Variants in BCKDHB observed in about 807,000 individuals in gnomAD.
BCKDHB encodes branched chain keto acid dehydrogenase E1 subunit beta, also known as 2-oxoisovalerate dehydrogenase subunit beta, mitochondrial.
A neutral mutation model predicts 48.5 loss-of-function variants in BCKDHB; 41 were observed. That is an observed-to-expected ratio of 0.85 (90% CI 0.66 to 1.10). The LOEUF (loss-of-function observed/expected upper bound fraction) is 1.10. Ranked by LOEUF, BCKDHB falls within the 50% of genes least tolerant of loss-of-function variation. BCKDHB has a pLI of 0.00. For missense variants in BCKDHB, 496 were observed against 494.2 expected (o/e 1.00, Z -0.03); for synonymous variants, 201 against 174.8 (o/e 1.15, Z -1.18).
At chr6:80,299,685 C>T (rs1167298819) in intron 9 of BCKDHB, among the ~76,000 whole-genome samples, 1 of 152,146 alleles carries the variant, frequency 6.6e-6, no homozygotes, top group Non-Finnish European at 1.5e-5. Flanking sequence ...TTCATCTAGA[C>T]CAGTCTTAAA....
chr6:80,296,942 T>C (rs2127988899), intron 9 of BCKDHB, among the ~76,000 whole-genome samples: 1 of 152,360 alleles, frequency 6.6e-6, no homozygotes, highest in Non-Finnish European at 1.5e-5. Flanking sequence ...TCACTTTCTT[T>C]ACACAGCTTG....
At chr6:80,438,382 T>A in the BCKDHB span, among the ~76,000 whole-genome samples, 5 of 152,240 alleles carry the variant, frequency 3.3e-5, no homozygotes, top group Non-Finnish European at 7.3e-5. Context: ...TTGTTTCTAT[T>A]TTTTCTATTA....
intron 3 of BCKDHB, among the ~76,000 whole-genome samples, chr6:80,155,425 G>A (rs1771992020): frequency 6.6e-6 from 1 of 152,090 alleles, no homozygotes; most frequent in Admixed American, 6.5e-5. Flanking sequence ...AGAAAGAAAG[G>A]GAAGCAATTG....
intron 8 of BCKDHB, among the ~76,000 whole-genome samples, chr6:80,253,906 A>G (rs1373796545): frequency 1.3e-5 from 2 of 151,918 alleles, no homozygotes; most frequent in African/African-American, 4.8e-5. Context: ...AGTTATTATT[A>G]AAATAGAAAT....
chr6:80,364,428 A>G, the BCKDHB span, among the ~76,000 whole-genome samples: 1 of 152,174 alleles, frequency 6.6e-6, no homozygotes. Flanking sequence ...ATCCAGGTCT[A>G]TTTGTGTCTT....
At chr6:80,370,071 T>G in the BCKDHB span, among the ~76,000 whole-genome samples, 13 of 152,300 alleles carry the variant, frequency 8.5e-5, no homozygotes, top group East Asian at 2.3e-3. Context: ...GAATTTTTGA[T>G]GCACACATCA....
the BCKDHB span, among the ~76,000 whole-genome samples, chr6:80,449,624 C>T: frequency 1.8e-4 from 27 of 152,282 alleles, no homozygotes; most frequent in African/African-American, 5.8e-4. Flanking sequence ...TCTTTTCTGA[C>T]AAAAACCCTT....
chr6:80,298,361 G>A (rs61475052), intron 9 of BCKDHB, among the ~76,000 whole-genome samples: 2,728 of 152,010 alleles, frequency 0.018, 73 homozygotes, highest in African/African-American at 0.062. Context: ...CACTTGCCTC[G>A]GCCTCCCAAA....
intron 8 of BCKDHB, among the ~76,000 whole-genome samples, chr6:80,238,907 A>G (rs889209753): frequency 2.6e-5 from 4 of 152,136 alleles, no homozygotes; most frequent in Non-Finnish European, 5.9e-5. Flanking sequence ...AGCTTCATCC[A>G]TGGCCCTGCA....
At chr6:80,211,499 A>G (rs1397971723) in intron 8 of BCKDHB, among the ~76,000 whole-genome samples, 1 of 152,114 alleles carries the variant, frequency 6.6e-6, no homozygotes, top group African/African-American at 2.4e-5. Context: ...TCCTTGCCAT[A>G]GGCAGAGTTG....
intron 8 of BCKDHB, among the ~76,000 whole-genome samples, chr6:80,235,610 A>G (rs1226499587): frequency 6.6e-6 from 1 of 152,156 alleles, no homozygotes; most frequent in Non-Finnish European, 1.5e-5. Context: ...TTTGAGGTAC[A>G]TTTCTTCTCA....
intron 1 of BCKDHB, among the ~76,000 whole-genome samples, chr6:80,118,523 T>TA (rs899385167): frequency 7.8e-4 from 112 of 143,652 alleles, no homozygotes; most frequent in Middle Eastern, 3.6e-3. Flanking sequence ...GCAACTTCAT[T>TA]AAAAAAAAAA....
chr6:80,389,797 G>A, the BCKDHB span, among the ~76,000 whole-genome samples: 3,808 of 152,266 alleles, frequency 0.025, 173 homozygotes, highest in African/African-American at 0.086. Context: ...CCAGAAGGTC[G>A]TGTATGCTCT....
intron 3 of BCKDHB, among the ~76,000 whole-genome samples, chr6:80,132,721 T>C (rs973699456): frequency 2.0e-5 from 3 of 152,214 alleles, no homozygotes; most frequent in Admixed American, 6.5e-5. Context: ...AGTTACACTT[T>C]ATTAATTTCA....
At chr6:80,400,551 A>G in the BCKDHB span, among the ~76,000 whole-genome samples, 1 of 152,136 alleles carries the variant, frequency 6.6e-6, no homozygotes, top group African/African-American at 2.4e-5. Context: ...AATGGCTATT[A>G]GTAAAAAGTC....
Position 80,106,844 on chromosome 6 carries a change from G to A in BCKDHB, c.151G>A (p.Val51Met). 6.2e-7 allele frequency: 1 copy of A among 1,610,456 alleles called. No individual in the cohort carries two copies. Among genetic ancestry groups the A allele is most frequent in the East Asian group, 2.2e-5 (1 of 44,776 alleles). ...CGAGGATGCGGCCCAGAGGCGGCAGGTGGCTCATTTTACTTTCCAGCCAGA... is the reference window on the plus strand; with the variant it reads ...CGAGGATGCGGCCCAGAGGCGGCAGATGGCTCATTTTACTTTCCAGCCAGA... Reference protein sequence around the residue: ...TVEDAAQRRQVAHFTFQPDPE... With the variant: ...TVEDAAQRRQMAHFTFQPDPE... Residue 51 changes from valine (V) to methionine (M), a missense_variant, in exon 1 of 10, where the codon GTG becomes ATG. Transcript: ENST00000320393.
intron 9 of BCKDHB, among the ~76,000 whole-genome samples, chr6:80,305,977 G>A (rs1269814039): frequency 6.6e-6 from 1 of 152,170 alleles, no homozygotes; most frequent in Non-Finnish European, 1.5e-5. Context: ...TATTTGCTGG[G>A]TGGTTAATCT....
chr6:80,221,248 TTGTTTA>T (rs1314141549), intron 8 of BCKDHB, among the ~76,000 whole-genome samples: 2 of 152,182 alleles, frequency 1.3e-5, no homozygotes, highest in African/African-American at 4.8e-5. Context: ...CCTCTACTCT[TTGTTTA>T]TATTTTCATC....
At chr6:80,330,156 T>C (rs1474123312) in intron 9 of BCKDHB, among the ~76,000 whole-genome samples, 3 of 151,692 alleles carry the variant, frequency 2.0e-5, no homozygotes, top group Non-Finnish European at 4.4e-5. Context: ...TGCATGTCTT[T>C]ACTGGGCTTT....
Sources: gnomAD v4.1 joint callset for allele counts (sites outside exome capture counted in the v4.1 genomes callset) on GRCh38, gnomAD v4.1.1 for gene constraint, MANE v1.5 for transcripts, NCBI Gene and HGNC (gene_info 2026-07-23, HGNC 2026-07-21) for gene names.